TYW5: variants seen among roughly 807,000 people sequenced by gnomAD.
TYW5 encodes the protein tRNA wybutosine-synthesizing protein 5.
Under a neutral mutation model 44.4 loss-of-function variants are expected in TYW5, and 36 were observed. The observed-to-expected ratio is 0.81, with a 90% confidence interval of 0.62 to 1.07. TYW5 has a LOEUF of 1.07. Ranked by LOEUF, TYW5 falls within the 50% of genes least tolerant of loss-of-function variation. TYW5 has a pLI of 0.00. For synonymous variants in TYW5, 121 were observed against 128.1 expected (o/e 0.94, Z 0.37); for missense variants, 354 against 365.7 (o/e 0.97, Z 0.26).
At chr2:199,955,357 G>A (rs1419998779) in intron 1 of TYW5, 36 bp downstream of exon 1, 5 of 1,606,514 alleles carry the variant, frequency 3.1e-6, no homozygotes, top group Non-Finnish European at 3.4e-6. Flanking sequence ...GTCTCTCGCT[G>A]GTTTCTCGAG....
intron 7 of TYW5, 61 bp from the exon 8 acceptor site, chr2:199,933,384 T>C: frequency 1.4e-6 from 2 of 1,449,590 alleles, no homozygotes; most frequent in Non-Finnish European, 1.9e-6. Flanking sequence ...AAACCCAAAA[T>C]GTCAGTGAAA....
intron 5 of TYW5, among the ~76,000 whole-genome samples, chr2:199,937,721 T>C (rs2077432056): frequency 6.6e-6 from 1 of 152,152 alleles, no homozygotes; most frequent in African/African-American, 2.4e-5. Context: ...ATAGTTAAAA[T>C]GTATTACCAC....
intron 5 of TYW5, 88 bp downstream of exon 5, chr2:199,938,845 T>C: frequency 7.4e-7 from 1 of 1,346,830 alleles, no homozygotes; most frequent in South Asian, 1.7e-5. Flanking sequence ...ATGTTTAGGG[T>C]AACCTATAGG....
rs1214072598 is a variant in TYW5, at chr2:199,929,927, G to C, written c.*3140C>G. The C allele has an allele frequency of 1.3e-5, 2 of 151,236 alleles. No individual in the cohort carries two copies. Among genetic ancestry groups the C allele is most frequent in the Non-Finnish European group, 2.9e-5 (2 of 68,040 alleles). 9.4% of individuals were successfully genotyped at this position (151,236 alleles called of 1,614,324 possible). On this transcript the variant is annotated 3_prime_UTR_variant, in exon 8 of 8. Coordinates refer to ENST00000354611, the MANE Select transcript of TYW5 (RefSeq NM_001039693.3). ...CCTGCCTCAGCCTCCCAAGATGCTGGGACTACAGGTGTGGACCACCACTCC... is the reference window on the plus strand; with the variant it reads ...CCTGCCTCAGCCTCCCAAGATGCTGCGACTACAGGTGTGGACCACCACTCC...
In TYW5 at chr2:199,932,037, G is replaced by T. The variant is rs938260597; in HGVS notation, c.*1030C>A. On this transcript the variant is annotated 3_prime_UTR_variant, in exon 8 of 8. Coordinates refer to ENST00000354611, the MANE Select transcript of TYW5 (RefSeq NM_001039693.3). ...GACATAGGTATAAATTATTTATTTT[G>T]TAACATTCAAAAACCAAAAACCACC... 6.9e-6 allele frequency: 1 copy of T among 144,366 alleles called. No homozygotes were observed. Among genetic ancestry groups the T allele is most frequent in the Non-Finnish European group, 1.5e-5 (1 of 65,344 alleles). 8.9% of individuals were successfully genotyped at this position (144,366 alleles called of 1,614,324 possible).
At chr2:199,937,543 C>T (rs1220240223) in intron 5 of TYW5, among the ~76,000 whole-genome samples, 1 of 151,944 alleles carries the variant, frequency 6.6e-6, no homozygotes, top group Admixed American at 6.6e-5. Flanking sequence ...GTTGTGCATG[C>T]CTGTAATCCT....
rs777637430 is a variant in TYW5, at chr2:199,936,371, C to G, written c.574+34G>C. On this transcript the variant is annotated intron_variant, in intron 6 of 7. Transcript: ENST00000354611. ...TTCTCAAAAAGAGTAACTGAATAGA[C>G]TTTTGAAATATAAACTTAAAAAAAA... 8 of 1,556,868 alleles carry G rather than the reference C, an allele frequency of 5.1e-6. No individual in the cohort carries two copies. The South Asian group carries it at 8.0e-5, about 15-fold the overall frequency.
At chr2:199,945,322 C>T (rs1000553327) in intron 2 of TYW5, 1 of 152,168 alleles carries the variant, frequency 6.6e-6, no homozygotes, top group African/African-American at 2.4e-5. Flanking sequence ...CTTATATCCT[C>T]CCGCAAAAAG....
At chr2:199,952,473 GT>G (rs869159199) in intron 1 of TYW5, among the ~76,000 whole-genome samples, 14 of 152,244 alleles carry the variant, frequency 9.2e-5, no homozygotes, top group East Asian at 5.8e-4. Flanking sequence ...CCATTTTAAT[GT>G]TTTTTCCCCC....
intron 2 of TYW5, chr2:199,947,918 C>T (rs1485465140): frequency 3.4e-5 from 6 of 174,302 alleles, no homozygotes; most frequent in African/African-American, 7.2e-5. Flanking sequence ...ATGGTGAAAC[C>T]CTGTCTCTAC....
At chr2:199,954,990 T>C (rs2077583113) in intron 1 of TYW5, among the ~76,000 whole-genome samples, 1 of 152,196 alleles carries the variant, frequency 6.6e-6, no homozygotes, top group African/African-American at 2.4e-5. Context: ...AACTAGAACC[T>C]AAGTAAGTTA....
In TYW5 at chr2:199,931,437, G is replaced by C. The variant is rs2077377086; in HGVS notation, c.*1630C>G. 1 of 152,084 alleles carries C rather than the reference G, an allele frequency of 6.6e-6. No homozygotes were observed. Among genetic ancestry groups the C allele is most frequent in the Admixed American group, 6.6e-5 (1 of 15,260 alleles). 9.4% of individuals were successfully genotyped at this position (152,084 alleles called of 1,614,324 possible). A position where few individuals can be genotyped will look rare whatever the true frequency, so the allele number is the denominator to read the frequency against. ...TCTTGCTGGTTAAGAAAAAAAACAA[G>C]ATTTATTAAAAACTGACCATAAATA... On this transcript the variant is annotated 3_prime_UTR_variant, in exon 8 of 8. Transcript: ENST00000354611.
intron 5 of TYW5, among the ~76,000 whole-genome samples, chr2:199,938,213 C>T (rs2077436861): frequency 1.3e-5 from 2 of 151,906 alleles, no homozygotes; most frequent in Admixed American, 1.3e-4. Flanking sequence ...TACAGGCACC[C>T]GCCACCATGC....
chr2:199,937,520 T>A (rs1559301593), intron 5 of TYW5, among the ~76,000 whole-genome samples: 1 of 151,286 alleles, frequency 6.6e-6, no homozygotes. Flanking sequence ...AAAAAAAAAA[T>A]TAGCCGGGTG....
intron 2 of TYW5, chr2:199,946,541 T>C (rs1380174113): frequency 6.6e-6 from 1 of 152,152 alleles, no homozygotes; most frequent in African/African-American, 2.4e-5. Flanking sequence ...GGTTCTTTTG[T>C]CCAGACTCTC....
chr2:199,933,816 T>C (rs2077398914), intron 7 of TYW5, among the ~76,000 whole-genome samples: 1 of 152,220 alleles, frequency 6.6e-6, no homozygotes, highest in Non-Finnish European at 1.5e-5. Context: ...TAAATTCGTA[T>C]TCATTATAGC....
intron 1 of TYW5, among the ~76,000 whole-genome samples, chr2:199,951,398 G>GATTC (rs2077543661): frequency 6.6e-6 from 1 of 152,098 alleles, no homozygotes; most frequent in African/African-American, 2.4e-5. Flanking sequence ...CACTTAAACA[G>GATTC]ATTCATGTGT....
At chr2:199,955,047 C>T (rs770257829) in intron 1 of TYW5, among the ~76,000 whole-genome samples, 3 of 152,156 alleles carry the variant, frequency 2.0e-5, no homozygotes, top group Non-Finnish European at 2.9e-5. Context: ...CATTGCTTTC[C>T]TTTTTGGCTC....
At chr2:199,946,626 T>A (rs565445499) in intron 2 of TYW5, 1 of 152,318 alleles carries the variant, frequency 6.6e-6, no homozygotes, top group South Asian at 2.1e-4. Flanking sequence ...AATCTTCCAA[T>A]GTTTGATAAG....
Sources: allele counts gnomAD v4.1 joint callset (sites outside exome capture counted in the v4.1 genomes callset), GRCh38; gene constraint gnomAD v4.1.1; transcripts MANE v1.5; gene names NCBI Gene and HGNC (gene_info 2026-07-23, HGNC 2026-07-21).